ATP2B2: variants seen among roughly 807,000 people sequenced by gnomAD.
The protein encoded by ATP2B2 is plasma membrane calcium-transporting ATPase 2.
In ATP2B2, 15 loss-of-function variants were observed where a neutral mutation model predicts 120.0. The observed-to-expected ratio is 0.12, with a 90% CI of 0.08 to 0.19. The LOEUF is 0.19. Ranked by LOEUF, ATP2B2 falls within the 10% of genes least tolerant of loss-of-function variation. The pLI is 1.00. For synonymous variants in ATP2B2, 694 were observed against 700.3 expected (o/e 0.99, Z 0.14); for missense variants, 1,045 against 1,719.8 (o/e 0.61, Z 6.94).
At chr3:10,686,498 CA>C (rs1241018866) in intron 1 of ATP2B2, among the ~76,000 whole-genome samples, 1 of 151,938 alleles carries the variant, frequency 6.6e-6, no homozygotes, top group Non-Finnish European at 1.5e-5. Context: ...ACTAAAAATA[CA>C]AAAAATTAGC....
chr3:10,557,603 G>C (rs74491522), intron 2 of ATP2B2, among the ~76,000 whole-genome samples: 1 of 152,326 alleles, frequency 6.6e-6, no homozygotes, highest in East Asian at 1.9e-4. Context: ...AAACGGACTG[G>C]GCATTTAGGC....
chr3:10,350,011 C>T, intron 16 of ATP2B2, 101 bp downstream of exon 16: 3 of 1,217,518 alleles, frequency 2.5e-6, no homozygotes, highest in Non-Finnish European at 3.6e-6. Flanking sequence ...GGGCGAGGGG[C>T]CCTTCCCTTC....
rs913056038 is a variant in ATP2B2, at chr3:10,342,969, G to A, written c.2704-4C>T. ...GCACGGCCTTCAGAGGGGAGTCCTG[G>A]GGACGGGCAGGAGAGGGCTGTCACC... On this transcript the variant is annotated splice_polypyrimidine_tract_variant and splice_region_variant and intron_variant, in intron 18 of 22. Transcript: ENST00000360273. This position sits in a 1 kb window ranked among gnomAD's most constrained non-coding sequence, Gnocchi z 4.4. 5.0e-6 allele frequency: 8 copies of A among 1,613,858 alleles called. No individual in the cohort carries two copies. The East Asian group carries it at 1.6e-4, about 31-fold the overall frequency.
intron 2 of ATP2B2, among the ~76,000 whole-genome samples, chr3:10,573,984 C>G (rs541281256): frequency 8.5e-5 from 13 of 152,240 alleles, no homozygotes; most frequent in African/African-American, 2.9e-4. Flanking sequence ...CCTGTCTCCC[C>G]CCATTATAAA....
chr3:10,375,952 T>A lies in ATP2B2; in HGVS notation c.1202-308A>T, dbSNP rs2061369981. Among the ~76,000 whole-genome samples the A allele has an allele frequency of 6.6e-6, 1 of 152,236 alleles. No homozygotes were observed. The highest frequency in any genetic ancestry group is 2.4e-5 in the African/African-American group (1 of 41,460). On this transcript the variant is annotated intron_variant, in intron 10 of 22. Coordinates refer to ENST00000360273, the MANE Select transcript of ATP2B2 (RefSeq NM_001001331.4). The surrounding 1 kb of genome is among the most constrained non-coding windows in gnomAD (Gnocchi z 4.2). Reference sequence around the variant, plus strand: ...GCAATAGTATGTGCTCGACACATAGTAGGTGCTCAAGAGATGTGTGCCGAG... The same window carrying A: ...GCAATAGTATGTGCTCGACACATAGAAGGTGCTCAAGAGATGTGTGCCGAG...
intron 1 of ATP2B2, among the ~76,000 whole-genome samples, chr3:10,451,578 A>G (rs1318276728): frequency 2.0e-5 from 3 of 152,194 alleles, no homozygotes; most frequent in Non-Finnish European, 4.4e-5. Context: ...TGTCTTACAC[A>G]AGGGACGCTT....
At chr3:10,463,089 C>A (rs1271518966) in intron 1 of ATP2B2, among the ~76,000 whole-genome samples, 4 of 152,220 alleles carry the variant, frequency 2.6e-5, no homozygotes, top group Non-Finnish European at 4.4e-5. Context: ...GTCCTCATGC[C>A]AACTTCTCTG....
At chr3:10,641,419 AG>A (rs1182321724) in intron 1 of ATP2B2, among the ~76,000 whole-genome samples, 4 of 152,230 alleles carry the variant, frequency 2.6e-5, no homozygotes, top group Non-Finnish European at 1.5e-5. Flanking sequence ...GCCCTAGCCA[AG>A]GGTGGCCCCG....
chr3:10,517,428 G>C (rs1040224025), intron 3 of ATP2B2, among the ~76,000 whole-genome samples: 1 of 152,148 alleles, frequency 6.6e-6, no homozygotes, highest in East Asian at 1.9e-4. Context: ...AAATGAGAGG[G>C]GTTGGGAAAA....
At chr3:10,594,601 C>T (rs1320872778) in intron 2 of ATP2B2, among the ~76,000 whole-genome samples, 1 of 151,092 alleles carries the variant, frequency 6.6e-6, no homozygotes, top group Non-Finnish European at 1.5e-5. Context: ...TAGCATTAGG[C>T]GATATACCTA....
intron 1 of ATP2B2, among the ~76,000 whole-genome samples, chr3:10,639,244 A>T (rs1401725186): frequency 6.6e-6 from 1 of 152,244 alleles, no homozygotes; most frequent in African/African-American, 2.4e-5. Context: ...TTCACTCCAG[A>T]TGGCTCCAAT....
At chr3:10,426,634 A>G (rs2063154218) in intron 2 of ATP2B2, among the ~76,000 whole-genome samples, 1 of 152,244 alleles carries the variant, frequency 6.6e-6, no homozygotes, top group Admixed American at 6.5e-5. Context: ...CCTGGGCCTC[A>G]GCCTGGGATG....
At position 10,575,849 on chromosome 3, in the gene ATP2B2, G is replaced by A. The variant is rs866570895; in HGVS notation, c.-414-41716C>T. 3.3e-5 allele frequency among the ~76,000 whole-genome samples: 5 copies of A among 152,246 alleles called. No individual in the cohort carries two copies. The South Asian group carries it at 1.0e-3, about 32-fold the overall frequency. The stretch of plus-strand genomic sequence containing the variant: ...GGCTTCTAGGATAACCTAGAGAAGC[G>A]CTAGTTATTTGAGGGAGAATCTGAC... On this transcript the variant is annotated intron_variant, in intron 2 of 21. Transcript: ENST00000646379.
intron 1 of ATP2B2, among the ~76,000 whole-genome samples, chr3:10,459,439 C>T (rs764394739): frequency 6.6e-6 from 1 of 152,304 alleles, no homozygotes; most frequent in South Asian, 2.1e-4. Flanking sequence ...GATGGGCCAG[C>T]GGCTCTGGAC....
chr3:10,502,436 A>G (rs60554516), intron 1 of ATP2B2, among the ~76,000 whole-genome samples: 7,642 of 152,284 alleles, frequency 0.05, 629 homozygotes, highest in African/African-American at 0.17. Context: ...TTCCACCCAC[A>G]GTCAAACACC....
intron 1 of ATP2B2, among the ~76,000 whole-genome samples, chr3:10,475,695 C>T (rs1247680912): frequency 6.6e-6 from 1 of 152,190 alleles, no homozygotes; most frequent in Non-Finnish European, 1.5e-5. Context: ...GACAGGGAAA[C>T]TGAGACTCAG....
At chr3:10,623,211 T>G (rs899173743) in intron 1 of ATP2B2, among the ~76,000 whole-genome samples, 120 of 152,126 alleles carry the variant, frequency 7.9e-4, no homozygotes, top group African/African-American at 2.5e-3. Flanking sequence ...TACAGGCACA[T>G]ACCACCACAC....
At chr3:10,370,895 G>A (rs2061220178) in intron 12 of ATP2B2, among the ~76,000 whole-genome samples, 1 of 152,192 alleles carries the variant, frequency 6.6e-6, no homozygotes, top group Admixed American at 6.5e-5. Flanking sequence ...CTAGTGCTGA[G>A]GCAACCTGTG....
chr3:10,643,188 T>C (rs2070221753), intron 1 of ATP2B2, among the ~76,000 whole-genome samples: 1 of 152,154 alleles, frequency 6.6e-6, no homozygotes, highest in Non-Finnish European at 1.5e-5. Flanking sequence ...AAATAATTAA[T>C]ACGGTAATTA....
Sources: allele counts gnomAD v4.1 joint callset (sites outside exome capture counted in the v4.1 genomes callset), GRCh38; gene constraint gnomAD v4.1.1; non-coding constraint Gnocchi (gnomAD v3.1); transcripts MANE v1.5; gene names NCBI Gene and HGNC (gene_info 2026-07-23, HGNC 2026-07-21).